KDM5B: variants seen among roughly 807,000 people sequenced by gnomAD.
KDM5B encodes lysine-specific demethylase 5B.
Under a neutral mutation model 193.4 loss-of-function variants are expected in KDM5B, and 144 were observed. The observed-to-expected ratio is 0.74, with a 90% CI of 0.65 to 0.86. The LOEUF is 0.86. Among genes scored for constraint, KDM5B ranks in the 40% least tolerant of loss-of-function variants. The pLI is 0.00. For missense variants in KDM5B, 1,833 were observed against 1,886.9 expected, an observed-to-expected ratio of 0.97 and a Z score of 0.53; for synonymous variants, 668 against 682.6, an observed-to-expected ratio of 0.98 and a Z score of 0.33.
At chr1:202,783,231 G>T (rs1657269124) in intron 1 of KDM5B, among the ~76,000 whole-genome samples, 1 of 152,126 alleles carries the variant, frequency 6.6e-6, no homozygotes, top group African/African-American at 2.4e-5. Context: ...TTGCGCCATT[G>T]CACTCCAGCC....
intron 13 of KDM5B, among the ~76,000 whole-genome samples, chr1:202,749,593 A>G (rs940458027): frequency 1.0e-5 from 1 of 97,838 alleles, no homozygotes; most frequent in Non-Finnish European, 2.5e-5. Flanking sequence ...CAGACTCATA[A>G]AATTCCTAGC....
chr1:202,798,463 C>CTT (rs200364742), intron 1 of KDM5B, among the ~76,000 whole-genome samples: 2 of 151,882 alleles, frequency 1.3e-5, no homozygotes, highest in South Asian at 4.2e-4. Flanking sequence ...GGGTTTTTGC[C>CTT]TTTTTTTGGG....
chr1:202,762,647 AAGGGAAGAAGGAAAAC>A, intron 7 of KDM5B, 36 bp downstream of exon 7: 1 of 1,028,190 alleles, frequency 9.7e-7, no homozygotes, highest in South Asian at 1.3e-5. Context: ...TAAAGAAAGG[AAGGGAAGAAGGAAAAC>A]AGGAAAGAAA....
At chr1:202,745,704 C>A (rs1655524081) in intron 16 of KDM5B, among the ~76,000 whole-genome samples, 154 bp downstream of exon 16, 1 of 152,128 alleles carries the variant, frequency 6.6e-6, no homozygotes, top group Non-Finnish European at 1.5e-5. Flanking sequence ...GTTTTAAAAC[C>A]TTCTCTGCCG....
At chr1:202,779,804 A>AAAT (rs1657120219) in intron 1 of KDM5B, among the ~76,000 whole-genome samples, 1 of 141,294 alleles carries the variant, frequency 7.1e-6, no homozygotes, top group African/African-American at 2.7e-5. Context: ...CTCCGTCTCA[A>AAAT]AAATAAATAA....
rs985897276 is a variant in KDM5B at position 202,750,796 on chromosome 1, G to T, written c.1702-18C>A. 1.2e-6 allele frequency: 2 copies of T among 1,609,022 alleles called. No homozygotes were observed. Among genetic ancestry groups the T allele is most frequent in the African/African-American group, 2.7e-5 (2 of 74,612 alleles). The stretch of plus-strand genomic sequence containing the variant: ...CGGTAAACCTAAAGAGACAGAAATT[G>T]AAGATTTTTGAGTTTCTTAAAGAGT... On this transcript the variant is annotated intron_variant, in intron 12 of 26. Transcript: ENST00000367265.
chr1:202,754,509 C>A (rs1353125819), intron 11 of KDM5B, among the ~76,000 whole-genome samples: 1 of 152,106 alleles, frequency 6.6e-6, no homozygotes, highest in Non-Finnish European at 1.5e-5. Flanking sequence ...CATAGTGATA[C>A]CTGAATTCAA....
At chr1:202,805,795 G>A (rs1426831651) in intron 1 of KDM5B, among the ~76,000 whole-genome samples, 1 of 152,158 alleles carries the variant, frequency 6.6e-6, no homozygotes, top group Non-Finnish European at 1.5e-5. Flanking sequence ...CCCTCTTCAA[G>A]AGCTACAACT....
chr1:202,759,384 T>C (rs564836723), intron 8 of KDM5B, among the ~76,000 whole-genome samples: 1 of 151,774 alleles, frequency 6.6e-6, no homozygotes, highest in South Asian at 2.1e-4. Context: ...TACTAAAAAA[T>C]ACAAAAATTA....
rs1308965774 is a variant in KDM5B at position 202,808,385 on chromosome 1, C to A, written c.-80G>T. 1.5e-6 allele frequency: 2 copies of A among 1,326,714 alleles called. No homozygotes were observed. The highest frequency in any genetic ancestry group is 2.0e-6 in the Non-Finnish European group (2 of 993,532). 82.2% of individuals were successfully genotyped at this position (1,326,714 alleles called of 1,614,324 possible). A position where few individuals can be genotyped will look rare whatever the true frequency, so the allele number is the denominator to read the frequency against. On this transcript the variant is annotated 5_prime_UTR_variant, in exon 1 of 27. Coordinates refer to ENST00000367265, the MANE Select transcript of KDM5B (RefSeq NM_006618.5). Reference sequence around the variant, plus strand: ...AGCTCCGCTCGGTCCGAGACCCGTGCAGACGCGGCTCGAGCAACAGCAAGT... The same window carrying A: ...AGCTCCGCTCGGTCCGAGACCCGTGAAGACGCGGCTCGAGCAACAGCAAGT...
rs908947741 is a variant in KDM5B, at chr1:202,731,854, G to C, written c.3995C>G (p.Thr1332Ser). ...RTSYLHSPFS[T>S]GRSCIPLHGV... Reference sequence around the variant, plus strand: ...ATGGAGGGGGATACAACTTCGTCCAGTTGAGAAGGGGGAGTGCAAATATGA... The same window carrying C: ...ATGGAGGGGGATACAACTTCGTCCACTTGAGAAGGGGGAGTGCAAATATGA... The change falls in exon 24 of 27, where the codon ACT becomes AGT. Residue 1332 changes from threonine (T) to serine (S), a missense_variant. This residue lies in a region of KDM5B where 1,379 missense variants were observed against 1,349.6 expected (regional missense o/e 1.02). Transcript: ENST00000367265. The C allele has an allele frequency of 1.2e-6, 2 of 1,612,862 alleles. No individual in the cohort carries two copies. The highest frequency in any genetic ancestry group is 1.7e-6 in the Non-Finnish European group (2 of 1,179,076).
intron 12 of KDM5B, among the ~76,000 whole-genome samples, chr1:202,751,078 A>G (rs988704397): frequency 3.3e-5 from 5 of 152,134 alleles, no homozygotes; most frequent in African/African-American, 1.2e-4. Flanking sequence ...ATCCTAATAT[A>G]TTATTATTAC....
chr1:202,755,569 C>T, intron 10 of KDM5B, 117 bp from the exon 11 acceptor site: 2 of 805,970 alleles, frequency 2.5e-6, no homozygotes, highest in South Asian at 3.8e-5. Context: ...AGAGGAGGGG[C>T]CACCATGCTG....
At position 202,750,669 on chromosome 1, in the gene KDM5B, G is replaced by C. The variant is rs1260814514; in HGVS notation, c.1811C>G (p.Thr604Ser). 1 of 1,613,724 alleles carries C rather than the reference G, an allele frequency of 6.2e-7. No homozygotes were observed. Among genetic ancestry groups the C allele is most frequent in the East Asian group, 2.2e-5 (1 of 44,864 alleles). The change falls in exon 13 of 27, where the codon ACT (threonine) becomes AGT (serine). Residue 604 changes from threonine (T) to serine (S), a missense_variant. Physicochemically the swap from Thr to Ser is moderately conservative, Grantham distance 58. This residue lies in a region of KDM5B where 1,379 missense variants were observed against 1,349.6 expected (regional missense o/e 1.02). Coordinates refer to ENST00000367265, the MANE Select transcript of KDM5B (RefSeq NM_006618.5). ...FNFAEAVNFC[T>S]VDWLPLGRQC... The stretch of plus-strand genomic sequence containing the variant: ...ATTGTAATTACATACCCAATCAACA[G>C]TGCAGAAGTTAACAGCCTCAGCAAA...
chr1:202,797,887 C>T (rs1290899329), intron 1 of KDM5B, among the ~76,000 whole-genome samples: 1 of 152,232 alleles, frequency 6.6e-6, no homozygotes, highest in South Asian at 2.1e-4. Flanking sequence ...ACATGTTAAT[C>T]TCACTAATCT....
chr1:202,775,718 T>C (rs1656914427), intron 2 of KDM5B, among the ~76,000 whole-genome samples: 2 of 149,400 alleles, frequency 1.3e-5, no homozygotes, highest in South Asian at 4.2e-4. Flanking sequence ...TAGCTGGATG[T>C]GGTGGTATAC....
Position 202,742,775 on chromosome 1 carries a change from T to G in KDM5B, c.2354A>C (p.Glu785Ala). Residue 785 changes from glutamate (E) to alanine (A), a missense_variant, in exon 17 of 27, where the codon GAA becomes GCA. Glu to Ala is a moderately radical substitution (Grantham distance 107, BLOSUM62 -1). This residue lies in a region of KDM5B where 1,379 missense variants were observed against 1,349.6 expected (regional missense o/e 1.02). Coordinates refer to ENST00000367265, the MANE Select transcript of KDM5B (RefSeq NM_006618.5). ...SLVSFKALIE[E>A]SEMKKFPDND... ...GTCTGGGAATTTCTTCATTTCAGAT[T>G]CTTCAATTAAAGCCTTGAAGCTGAC... 6.2e-7 allele frequency: 1 copy of G among 1,614,136 alleles called. No individual in the cohort carries two copies. Among genetic ancestry groups the G allele is most frequent in the Non-Finnish European group, 8.5e-7 (1 of 1,179,982 alleles).
At chr1:202,751,841 A>G (rs938725269) in intron 12 of KDM5B, among the ~76,000 whole-genome samples, 1 of 152,202 alleles carries the variant, frequency 6.6e-6, no homozygotes, top group Non-Finnish European at 1.5e-5. Flanking sequence ...TCAGGTCTCA[A>G]TTAAAGCAAT....
At position 202,726,672 on chromosome 1, in the gene KDM5B, G is replaced by A. The variant is rs1198945604; in HGVS notation, c.*2364C>T. 1 of 152,158 alleles carries A rather than the reference G, an allele frequency of 6.6e-6. No individual in the cohort carries two copies. Among genetic ancestry groups the A allele is most frequent in the Non-Finnish European group, 1.5e-5 (1 of 68,042 alleles). The allele number at this position is 152,158 out of a possible 1,614,324, so 9.4% of individuals were successfully genotyped here. On this transcript the variant is annotated 3_prime_UTR_variant, in exon 27 of 27. Coordinates refer to ENST00000367265, the MANE Select transcript of KDM5B (RefSeq NM_006618.5). ...ATCATTTTCCCCTACAAGTTCAGAG[G>A]TTTCTCTGGTACAGGCCAGCTTCAC...
Sources: gnomAD v4.1 joint callset for allele counts (sites outside exome capture counted in the v4.1 genomes callset) on GRCh38, gnomAD v4.1.1 for gene constraint, gnomAD v4.1.1 regional missense constraint, MANE v1.5 for transcripts, NCBI Gene and HGNC (gene_info 2026-07-23, HGNC 2026-07-21) for gene names.